Variants in RABGAP1L observed in about 807,000 individuals in gnomAD.
The protein encoded by RABGAP1L is RAB GTPase activating protein 1 like, also known as rab GTPase-activating protein 1-like.
RABGAP1L carries 63 observed loss-of-function variants against 137.7 expected under a neutral mutation model. That is an observed-to-expected ratio of 0.46 (90% confidence interval 0.37 to 0.56). The LOEUF is 0.56. Among genes scored for constraint, RABGAP1L ranks in the 20% least tolerant of loss-of-function variants. RABGAP1L has a pLI of 0.00. For missense variants in RABGAP1L, 1,095 were observed against 1,244.0 expected (o/e 0.88, Z 1.80); for synonymous variants, 431 against 433.7 (o/e 0.99, Z 0.08).
chr1:174,983,179 T>C (rs910379045), intron 24 of RABGAP1L, among the ~76,000 whole-genome samples: 2 of 152,176 alleles, frequency 1.3e-5, no homozygotes, highest in Non-Finnish European at 2.9e-5. Context: ...GAGCTTGAGA[T>C]GAGAGTGGTA....
intron 15 of RABGAP1L, 90 bp downstream of exon 15, chr1:174,683,686 T>C (rs1572797744): frequency 1.0e-6 from 1 of 997,944 alleles, no homozygotes; most frequent in South Asian, 1.5e-5. Flanking sequence ...ATTTCCCATT[T>C]ATCTGATGGA....
intron 10 of RABGAP1L, among the ~76,000 whole-genome samples, chr1:174,280,515 G>A (rs1675425328): frequency 6.6e-6 from 1 of 152,174 alleles, no homozygotes; most frequent in Non-Finnish European, 1.5e-5. Flanking sequence ...CAACACCAAA[G>A]TACATGAGAT....
chr1:174,892,793 G>A (rs1156280520), intron 19 of RABGAP1L: 2 of 349,304 alleles, frequency 5.7e-6, no homozygotes, highest in African/African-American at 4.7e-5. Context: ...GCAATGGCAT[G>A]ATCTTGACTC....
At chr1:174,485,003 T>TGTG (rs1422181950) in intron 13 of RABGAP1L, among the ~76,000 whole-genome samples, 2 of 151,872 alleles carry the variant, frequency 1.3e-5, no homozygotes, top group Non-Finnish European at 1.5e-5. Context: ...ATCTATCCAT[T>TGTG]TGTGTGTGTG....
chr1:174,548,984 C>T lies in RABGAP1L; in HGVS notation c.1711-88391C>T, dbSNP rs115700873. Among the ~76,000 whole-genome samples, 1,117 of 152,082 alleles carry T rather than the reference C, an allele frequency of 7.3e-3. 12 individuals carry two copies. The highest frequency in any genetic ancestry group is 0.024 in the African/African-American group (992 of 41,466). ...CATGAAGATTTAAAAATTTAGTGGC[C>T]GATACTTGAAATTGTATAGGTAGAT... On this transcript the variant is annotated intron_variant, in intron 13 of 25. Transcript: ENST00000681986.
intron 1 of RABGAP1L, among the ~76,000 whole-genome samples, chr1:174,183,531 A>G (rs1231806858): frequency 6.6e-6 from 1 of 152,190 alleles, no homozygotes; most frequent in Non-Finnish European, 1.5e-5. Flanking sequence ...GCCCTTACAC[A>G]ACGTGCACAG....
intron 13 of RABGAP1L, among the ~76,000 whole-genome samples, chr1:174,402,413 T>C (rs572333833): frequency 6.6e-6 from 1 of 152,288 alleles, no homozygotes; most frequent in East Asian, 1.9e-4. Context: ...TGTATGGAAA[T>C]GAAAATTTAT....
intron 13 of RABGAP1L, among the ~76,000 whole-genome samples, chr1:174,419,890 G>A (rs575943526): frequency 2.0e-5 from 3 of 152,018 alleles, no homozygotes; most frequent in Non-Finnish European, 4.4e-5. Context: ...TTTCATTTTT[G>A]ATTCCGGCTG....
chr1:174,638,396 A>C (rs1674236405), intron 14 of RABGAP1L, among the ~76,000 whole-genome samples: 2 of 152,166 alleles, frequency 1.3e-5, no homozygotes, highest in Admixed American at 1.3e-4. Context: ...TCCAGCATTT[A>C]AGAGGATGTG....
rs371988833 is a variant in RABGAP1L, at chr1:174,963,725, G to A, written c.2434-5552G>A. 8.6e-5 allele frequency among the ~76,000 whole-genome samples: 13 copies of A among 151,896 alleles called. No homozygotes were observed. The East Asian group carries it at 9.7e-4, about 11-fold the overall frequency. On this transcript the variant is annotated intron_variant, in intron 20 of 25. Coordinates refer to ENST00000681986, the MANE Select transcript of RABGAP1L (RefSeq NM_001366446.1). The stretch of plus-strand genomic sequence containing the variant: ...CAGTTTTTGTAAACCAAGTTTTATT[G>A]GAACACAACCACACCTGTTTATTTA...
chr1:174,976,972 T>G (rs1670699132), intron 22 of RABGAP1L, among the ~76,000 whole-genome samples: 1 of 152,240 alleles, frequency 6.6e-6, no homozygotes, highest in African/African-American at 2.4e-5. Flanking sequence ...ACAATTGAAG[T>G]CTTCTGCCAA....
At chr1:174,610,324 T>C (rs1182975381) in intron 13 of RABGAP1L, among the ~76,000 whole-genome samples, 7 of 151,022 alleles carry the variant, frequency 4.6e-5, no homozygotes, top group African/African-American at 1.2e-4. Context: ...TTTGTCCTTG[T>C]GATAGTTTAC....
At chr1:174,604,986 C>T (rs189850424) in intron 13 of RABGAP1L, among the ~76,000 whole-genome samples, 91 of 152,142 alleles carry the variant, frequency 6.0e-4, no homozygotes, top group South Asian at 3.5e-3. Context: ...ACCAAAAATA[C>T]AAAAATTTGC....
At chr1:174,238,099 C>G (rs955086733) in intron 4 of RABGAP1L, among the ~76,000 whole-genome samples, 1 of 152,076 alleles carries the variant, frequency 6.6e-6, no homozygotes, top group African/African-American at 2.4e-5. Context: ...ACGTAGTTCT[C>G]GAGCCTTGGT....
chr1:174,824,772 G>A (rs959985345), intron 19 of RABGAP1L, among the ~76,000 whole-genome samples: 1 of 151,736 alleles, frequency 6.6e-6, no homozygotes, highest in Non-Finnish European at 1.5e-5. Context: ...TCACTCTTGG[G>A]CCTTTTTCTC....
At chr1:174,232,120 AT>A (rs1670715954) in intron 4 of RABGAP1L, among the ~76,000 whole-genome samples, 1 of 152,212 alleles carries the variant, frequency 6.6e-6, no homozygotes, top group Non-Finnish European at 1.5e-5. Context: ...ATTTTAAGTT[AT>A]TTACATTAGA....
intron 5 of RABGAP1L, among the ~76,000 whole-genome samples, chr1:174,249,687 C>T (rs1309124297): frequency 6.6e-6 from 1 of 150,470 alleles, no homozygotes; most frequent in Non-Finnish European, 1.5e-5. Flanking sequence ...GCTCTGTCAC[C>T]CAGGCTGGAG....
At chr1:174,945,095 C>G (rs148648370) in intron 19 of RABGAP1L, among the ~76,000 whole-genome samples, 82 of 152,306 alleles carry the variant, frequency 5.4e-4, no homozygotes, top group Non-Finnish European at 9.7e-4. Context: ...TTTCTCTCCT[C>G]TCTTATTGTC....
At chr1:174,623,387 AC>A (rs1227536472) in intron 13 of RABGAP1L, among the ~76,000 whole-genome samples, 3 of 152,188 alleles carry the variant, frequency 2.0e-5, no homozygotes, top group Non-Finnish European at 4.4e-5. Context: ...TCAGGGAGTT[AC>A]CAAAACCACC....
Sources: allele counts gnomAD v4.1 joint callset (sites outside exome capture counted in the v4.1 genomes callset), GRCh38; gene constraint gnomAD v4.1.1; transcripts MANE v1.5; gene names NCBI Gene and HGNC (gene_info 2026-07-23, HGNC 2026-07-21).